Variants in PCDH7 observed in about 807,000 individuals in gnomAD.
The protein encoded by PCDH7 is protocadherin-7.
In PCDH7, 17 loss-of-function variants were observed where a neutral mutation model predicts 58.9. That is an observed-to-expected ratio of 0.29 (90% CI 0.20 to 0.43). The LOEUF is 0.43. Among genes scored for constraint, PCDH7 ranks in the 20% least tolerant of loss-of-function variants. The pLI is 1.00. For synonymous variants in PCDH7, 664 were observed against 616.4 expected (o/e 1.08, Z -1.14); for missense variants, 1,274 against 1,441.0 (o/e 0.88, Z 1.88).
Position 30,722,769 on chromosome 4 carries a change from C to T in PCDH7, c.1347C>T (p.Asp449=). 2.5e-6 allele frequency: 4 copies of T among 1,613,574 alleles called. No individual in the cohort carries two copies. The highest frequency in any genetic ancestry group is 3.4e-6 in the Non-Finnish European group (4 of 1,180,036). The change falls in exon 1 of 2, where the codon GAC becomes GAT. Residue 449 remains aspartate (D), a synonymous_variant. Transcript: ENST00000361762. This position sits in a 1 kb window ranked among gnomAD's most constrained non-coding sequence, Gnocchi z 7.6. ...CCATCGCTCTGGTGCAGGTGTCCGA[C>T]CGAGACCAAGGCGAGAACGGGGTGG...
chr4:30,792,754 T>C (rs1191846837), intron 1 of PCDH7, among the ~76,000 whole-genome samples: 1 of 152,182 alleles, frequency 6.6e-6, no homozygotes, highest in Admixed American at 6.5e-5. Context: ...CTTTCTTTTC[T>C]GTGTGTCTAG....
chr4:30,961,015 G>A (rs938445991), intron 3 of PCDH7, among the ~76,000 whole-genome samples: 15 of 152,214 alleles, frequency 9.9e-5, no homozygotes, highest in African/African-American at 3.4e-4. Context: ...AAGAAAAGAC[G>A]TTGTTGTTAT....
At chr4:31,142,122 G>A (rs1183806642) in intron 3 of PCDH7, among the ~76,000 whole-genome samples, 1 of 152,078 alleles carries the variant, frequency 6.6e-6, no homozygotes, top group Non-Finnish European at 1.5e-5. Flanking sequence ...TTATGGATGT[G>A]GAAAATATTA....
intron 3 of PCDH7, among the ~76,000 whole-genome samples, chr4:31,119,712 G>T (rs553151466): frequency 2.6e-5 from 4 of 152,206 alleles, no homozygotes; most frequent in East Asian, 3.9e-4. Flanking sequence ...TTCAGTGTGG[G>T]TTATCCACAT....
At chr4:31,095,175 C>A (rs539810022) in intron 3 of PCDH7, among the ~76,000 whole-genome samples, 1 of 151,500 alleles carries the variant, frequency 6.6e-6, no homozygotes, top group Admixed American at 6.6e-5. Context: ...ATTTTGTTTC[C>A]TTTTATTTTA....
At chr4:30,843,223 G>T (rs2109340092) in intron 1 of PCDH7, among the ~76,000 whole-genome samples, 1 of 151,790 alleles carries the variant, frequency 6.6e-6, no homozygotes, top group Admixed American at 6.6e-5. Flanking sequence ...TTATTTACAG[G>T]CAGAGTCTCA....
intron 2 of PCDH7, among the ~76,000 whole-genome samples, chr4:30,933,163 A>G (rs1031895168): frequency 1.3e-5 from 2 of 151,900 alleles, no homozygotes. Context: ...AGTAGCTGGG[A>G]CTACAGGCGC....
intron 1 of PCDH7, among the ~76,000 whole-genome samples, chr4:30,866,128 C>T (rs1041884514): frequency 1.3e-5 from 2 of 152,056 alleles, no homozygotes; most frequent in Non-Finnish European, 2.9e-5. Flanking sequence ...CTCATTATCT[C>T]ATGGCTCTTT....
chr4:30,795,324 T>G (rs1465169063), intron 1 of PCDH7, among the ~76,000 whole-genome samples: 1 of 152,180 alleles, frequency 6.6e-6, no homozygotes, highest in Non-Finnish European at 1.5e-5. Flanking sequence ...TCTGATGGCA[T>G]TATTTGGAAA....
At chr4:30,728,443 T>C (rs1392103348) in intron 1 of PCDH7, among the ~76,000 whole-genome samples, 1 of 151,780 alleles carries the variant, frequency 6.6e-6, no homozygotes, top group Non-Finnish European at 1.5e-5. Context: ...CCAAGGATGT[T>C]TTCATAAGGC....
Position 30,857,387 on chromosome 4 carries a change from C to T in PCDH7, c.71-62766C>T, listed in dbSNP as rs1900569. Among the ~76,000 whole-genome samples the T allele has an allele frequency of 3.1e-3, 479 of 152,210 alleles. 3 individuals carry two copies. Among genetic ancestry groups the T allele is most frequent in the African/African-American group, 9.1e-3 (378 of 41,550 alleles). On this transcript the variant is annotated intron_variant, in intron 1 of 3. Transcript: ENST00000509759. The stretch of plus-strand genomic sequence containing the variant: ...CTCGGAGCATCTTATTTGTTAAAGA[C>T]CACAGCCCTTTAACCTTTATAAAGG...
At chr4:30,975,676 C>T (rs1750005245) in intron 3 of PCDH7, among the ~76,000 whole-genome samples, 1 of 152,176 alleles carries the variant, frequency 6.6e-6, no homozygotes, top group Non-Finnish European at 1.5e-5. Flanking sequence ...ACTCTGACAG[C>T]AGCTTCGAAT....
rs776604793 is a variant in PCDH7 at position 30,724,446 on chromosome 4, T to A, written c.3024T>A (p.His1008Gln). The A allele has an allele frequency of 4.3e-5, 69 of 1,613,902 alleles. No individual in the cohort carries two copies. Among genetic ancestry groups the A allele is most frequent in the Non-Finnish European group, 5.8e-5 (68 of 1,180,016 alleles). Residue 1008 changes from histidine to glutamine, a missense_variant, in exon 1 of 2, where the codon CAT becomes CAA. Physicochemically the swap from His to Gln is conservative, Grantham distance 24. Coordinates refer to ENST00000361762, the Ensembl canonical transcript of PCDH7. Reference sequence around the variant, plus strand: ...CCCCATTGCCTACTGTTCAGCTTCATCCCCAGTCACCAACTGCAGGAAAAA... The same window carrying A: ...CCCCATTGCCTACTGTTCAGCTTCAACCCCAGTCACCAACTGCAGGAAAAA...
intron 3 of PCDH7, among the ~76,000 whole-genome samples, chr4:30,993,201 G>A (rs1385057640): frequency 6.6e-6 from 1 of 152,140 alleles, no homozygotes; most frequent in Non-Finnish European, 1.5e-5. Flanking sequence ...TAAAGTTGGG[G>A]GAGCTAAGGT....
intron 1 of PCDH7, among the ~76,000 whole-genome samples, chr4:30,887,766 C>T (rs1167559060): frequency 1.3e-5 from 2 of 151,856 alleles, no homozygotes; most frequent in Admixed American, 6.6e-5. Flanking sequence ...AACTTAGACT[C>T]AATGAAGTTT....
chr4:31,142,946 G>T (rs896072924), exon 4 of PCDH7: 16 of 935,552 alleles, frequency 1.7e-5, no homozygotes, highest in Admixed American at 2.8e-5. Flanking sequence ...CAAAGAGGGG[G>T]CTACCAAAGA....
rs138003908 is a variant in PCDH7 at position 30,977,825 on chromosome 4, G to A, written c.*7+27610G>A. Reference sequence around the variant, plus strand: ...GATCTCTGGAGTGTCATCTGATCAAGTTATTTTAATGTTTTAAGAATTCTG... The same window carrying A: ...GATCTCTGGAGTGTCATCTGATCAAATTATTTTAATGTTTTAAGAATTCTG... On this transcript the variant is annotated intron_variant, in intron 3 of 3. Coordinates refer to the PCDH7 transcript ENST00000509759. 1.7e-3 allele frequency among the ~76,000 whole-genome samples: 260 copies of A among 152,190 alleles called. 1 individual carries two copies. The East Asian group carries it at 0.027, about 16-fold the overall frequency.
chr4:30,823,460 T>G (rs1728620664), intron 1 of PCDH7, among the ~76,000 whole-genome samples: 1 of 152,096 alleles, frequency 6.6e-6, no homozygotes, highest in Admixed American at 6.6e-5. Context: ...ATTAAACATT[T>G]TCTGCTAGAC....
At chr4:31,120,860 A>G (rs1046711342) in intron 3 of PCDH7, among the ~76,000 whole-genome samples, 1 of 152,196 alleles carries the variant, frequency 6.6e-6, no homozygotes, top group African/African-American at 2.4e-5. Context: ...CCTCTGGGAA[A>G]TGAATACAAC....
Sources: allele counts gnomAD v4.1 joint callset (sites outside exome capture counted in the v4.1 genomes callset), GRCh38; gene constraint gnomAD v4.1.1; non-coding constraint Gnocchi (gnomAD v3.1); transcripts MANE v1.5; gene names NCBI Gene and HGNC (gene_info 2026-07-23, HGNC 2026-07-21).